The following SLC12A7 variants were observed in gnomAD, a reference collection of about 807,000 sequenced individuals.
SLC12A7 encodes K-Cl cotransporter 4.
In SLC12A7, 100 loss-of-function variants were observed where a neutral mutation model predicts 120.6. The observed-to-expected ratio is 0.83, with a 90% CI of 0.71 to 0.98. The LOEUF (loss-of-function observed/expected upper bound fraction) is 0.98. Ranked by LOEUF, SLC12A7 falls within the 50% of genes least tolerant of loss-of-function variation. The pLI is 0.00. For synonymous variants in SLC12A7, 760 were observed against 678.0 expected (o/e 1.12, Z -1.88); for missense variants, 1,373 against 1,548.1 (o/e 0.89, Z 1.90).
the SLC12A7 span, among the ~76,000 whole-genome samples, chr5:1,155,551 G>A: frequency 6.6e-6 from 1 of 151,614 alleles, no homozygotes; most frequent in African/African-American, 2.4e-5. Flanking sequence ...GCTCCGCTGG[G>A]CTGGGGGGAC....
At chr5:1,130,628 G>A in the SLC12A7 span, among the ~76,000 whole-genome samples, 2 of 97,114 alleles carry the variant, frequency 2.1e-5, no homozygotes, top group African/African-American at 8.5e-5. Flanking sequence ...GGTGGGGGCA[G>A]CAGGGAGGGA....
At chr5:1,081,276 G>A (rs1258107932) in intron 9 of SLC12A7, among the ~76,000 whole-genome samples, 2 of 150,660 alleles carry the variant, frequency 1.3e-5, no homozygotes, top group Non-Finnish European at 2.9e-5. Flanking sequence ...CCTGAGCAAC[G>A]TGGGGAGACC....
chr5:1,100,598 C>T (rs917016304), intron 1 of SLC12A7, among the ~76,000 whole-genome samples: 4 of 152,232 alleles, frequency 2.6e-5, no homozygotes, highest in Non-Finnish European at 4.4e-5. Context: ...AGGAAGACGG[C>T]GCCCTCGGGG....
upstream of SLC12A7, among the ~76,000 whole-genome samples, chr5:1,112,355 CCTCCCCG>C (rs1561119825): frequency 8.0e-5 from 4 of 49,936 alleles, no homozygotes; most frequent in Non-Finnish European, 2.1e-4. Context: ...TCCCCGGCCC[CCTCCCCG>C]CCTCCCCTCT....
intron 1 of SLC12A7, among the ~76,000 whole-genome samples, chr5:1,095,733 G>A (rs1034113941): frequency 4.3e-4 from 66 of 152,370 alleles, no homozygotes; most frequent in African/African-American, 1.4e-3. Flanking sequence ...GCCCACTGGC[G>A]GCCACCCTGG....
chr5:1,109,212 A>C (rs1742799562), intron 1 of SLC12A7, among the ~76,000 whole-genome samples: 2 of 151,086 alleles, frequency 1.3e-5, no homozygotes, highest in Admixed American at 6.6e-5. Flanking sequence ...CTCCTTTCCC[A>C]CCCCTCCCAG....
chr5:1,107,731 GAAAACC>G (rs1742639832), intron 1 of SLC12A7, among the ~76,000 whole-genome samples: 1 of 152,198 alleles, frequency 6.6e-6, no homozygotes, highest in Non-Finnish European at 1.5e-5. Flanking sequence ...ACGCTAGACA[GAAAACC>G]ACCGTGGAAT....
At chr5:1,079,141 C>T (rs566439508) in intron 10 of SLC12A7, among the ~76,000 whole-genome samples, 9 of 152,294 alleles carry the variant, frequency 5.9e-5, no homozygotes, top group East Asian at 3.9e-4. Flanking sequence ...CCCCACACAC[C>T]GCTGCGCATC....
In SLC12A7 at chr5:1,053,510, G is replaced by A. The variant is rs773506438; in HGVS notation, c.3027-28C>T. On this transcript the variant is annotated intron_variant, in intron 22 of 23. Transcript: ENST00000264930. ...GCAGGGGAGGTGGGCACGGTCAGCGGGCGGCGGGTGCACCCCACGCTCCGG... is the reference window on the plus strand; with the variant it reads ...GCAGGGGAGGTGGGCACGGTCAGCGAGCGGCGGGTGCACCCCACGCTCCGG... The A allele has an allele frequency of 2.5e-6, 4 of 1,608,528 alleles. No individual in the cohort carries two copies. The Admixed American group carries it at 6.7e-5, about 27-fold the overall frequency.
rs766531124 is a variant in SLC12A7 at position 1,079,432 on chromosome 5, C to A, written c.1362G>T (p.Gly454=). 6.2e-7 allele frequency: 1 copy of A among 1,612,726 alleles called. No homozygotes were observed. The highest frequency in any genetic ancestry group is 1.7e-5 in the Admixed American group (1 of 60,016). Residue 454 remains glycine (G), a synonymous_variant, in exon 10 of 24, where the codon GGG becomes GGT. Transcript: ENST00000264930. ...ACGTCGTCACTATGGCCAGGATGGT[C>A]CCCGTGGGGATGGACTTCTGTGCAT... The part of the protein sequence containing the change: ...LKDAQKSIPT[G]TILAIVTTSF...
chr5:1,060,155 C>T (rs931617764), intron 21 of SLC12A7, among the ~76,000 whole-genome samples, 189 bp downstream of exon 21: 2 of 152,252 alleles, frequency 1.3e-5, no homozygotes, highest in African/African-American at 2.4e-5. Flanking sequence ...CTGGCTTTGA[C>T]GCCACTCCTG....
intron 1 of SLC12A7, among the ~76,000 whole-genome samples, chr5:1,109,107 A>T (rs1171990209): frequency 6.6e-6 from 1 of 152,164 alleles, no homozygotes; most frequent in East Asian, 1.9e-4. Context: ...GACGAGTGGA[A>T]GTCCCTCCTA....
At chr5:1,128,831 C>T in the SLC12A7 span, among the ~76,000 whole-genome samples, 3 of 152,218 alleles carry the variant, frequency 2.0e-5, no homozygotes, top group Admixed American at 2.0e-4. Flanking sequence ...GAATGGATCA[C>T]ATGTTTGCAT....
the SLC12A7 span, among the ~76,000 whole-genome samples, chr5:1,149,372 T>A: frequency 6.6e-6 from 1 of 151,716 alleles, no homozygotes; most frequent in Admixed American, 6.6e-5. Context: ...AGGTCAGGAG[T>A]TCGAGACCAG....
At chr5:1,149,613 C>G in the SLC12A7 span, among the ~76,000 whole-genome samples, 1 of 152,054 alleles carries the variant, frequency 6.6e-6, no homozygotes, top group Non-Finnish European at 1.5e-5. Context: ...AAATAAGAGC[C>G]ATTCAAATAG....
chr5:1,146,597 T>C, the SLC12A7 span, among the ~76,000 whole-genome samples: 1 of 152,138 alleles, frequency 6.6e-6, no homozygotes, highest in African/African-American at 2.4e-5. This position sits in a 1 kb window ranked among gnomAD's most constrained non-coding sequence, Gnocchi z 6.5. Flanking sequence ...CCATGCCTCA[T>C]GCCGCCCTCC....
In SLC12A7 at chr5:1,060,395, C is replaced by T; in HGVS notation, c.2796G>A (p.Arg932=). 3.1e-6 allele frequency: 5 copies of T among 1,613,820 alleles called. No homozygotes were observed. The highest frequency in any genetic ancestry group is 3.4e-6 in the Non-Finnish European group (4 of 1,179,988). ...GCTGCATCTGCTTCAGCATCTGCGA[C>T]CTCTGCTCCATCATTAGTGTCCTCT... ...TYERTLMMEQ[R]SQMLKQMQLS... is the part of the protein sequence containing the mutation. Residue 932 remains arginine, a synonymous_variant, in exon 21 of 24, where the codon AGG becomes AGA. Coordinates refer to ENST00000264930, the MANE Select transcript of SLC12A7 (RefSeq NM_006598.3).
rs1738317699 is a variant in SLC12A7, at chr5:1,076,217, G to A, written c.1768C>T (p.Leu590=). 5.0e-6 allele frequency: 8 copies of A among 1,611,420 alleles called. No homozygotes were observed. Among genetic ancestry groups the A allele is most frequent in the Non-Finnish European group, 5.9e-6 (7 of 1,179,314 alleles). Residue 590 remains leucine, a synonymous_variant, in exon 14 of 24, where the codon CTG becomes TTG. Coordinates refer to ENST00000264930, the MANE Select transcript of SLC12A7 (RefSeq NM_006598.3). ...ACGGCGCAGGCCAGGTTCACGAACA[G>A]GTAGCACATGAGGAAGAACCTGCAG... ...ILSMFFLMCY[L]FVNLACAVQT...
At chr5:1,111,797 TC>T in intron 1 of SLC12A7, 70 bp downstream of exon 1, 1 of 1,181,912 alleles carries the variant, frequency 8.5e-7, no homozygotes, top group Non-Finnish European at 1.0e-6. Flanking sequence ...CCGCCTCCGC[TC>T]CCGGATGCCG....
Sources: gnomAD v4.1 joint callset for allele counts (sites outside exome capture counted in the v4.1 genomes callset) on GRCh38, gnomAD v4.1.1 for gene constraint, Gnocchi (gnomAD v3.1) non-coding constraint, MANE v1.5 for transcripts, NCBI Gene and HGNC (gene_info 2026-07-23, HGNC 2026-07-21) for gene names.